Variants in RASGEF1C observed in about 807,000 individuals in gnomAD.
RASGEF1C encodes RasGEF domain family member 1C, also known as ras-GEF domain-containing family member 1C.
A neutral mutation model predicts 58.1 loss-of-function variants in RASGEF1C; 27 were observed. The ratio of observed to expected loss-of-function variants is 0.46; its 90% CI spans 0.34 to 0.64. The LOEUF (loss-of-function observed/expected upper bound fraction) is 0.64, where lower values mean the gene tolerates loss of function less well. RASGEF1C is among the 30% of genes least tolerant of loss of function. The pLI, the probability that RASGEF1C is intolerant of heterozygous loss-of-function variation, is 0.01. For synonymous variants in RASGEF1C, 243 were observed against 246.3 expected, an observed-to-expected ratio of 0.99 and a Z score of 0.13; for missense variants, 502 against 605.1, an observed-to-expected ratio of 0.83 and a Z score of 1.79.
intron 1 of RASGEF1C, among the ~76,000 whole-genome samples, chr5:180,202,910 G>A (rs1453045488): frequency 6.6e-6 from 1 of 151,988 alleles, no homozygotes; most frequent in Non-Finnish European, 1.5e-5. Context: ...CACCGTGTTA[G>A]CCAGGATGGT....
At chr5:180,178,543 G>C (rs1354183668) in intron 1 of RASGEF1C, among the ~76,000 whole-genome samples, 1 of 152,084 alleles carries the variant, frequency 6.6e-6, no homozygotes, top group Non-Finnish European at 1.5e-5. Context: ...GCCCCCCAAA[G>C]TGCTGGGATT....
intron 1 of RASGEF1C, among the ~76,000 whole-genome samples, chr5:180,174,608 ATGTGTGTGTCTGTGTGTGTG>A (rs1767189901): frequency 2.9e-5 from 2 of 69,826 alleles, no homozygotes; most frequent in Admixed American, 3.6e-4. Flanking sequence ...GTGTGCACGC[ATGTGTGTGTCTGTGTGTGTG>A]TGTGTGTGTG....
chr5:180,170,337 C>T (rs554794969), intron 1 of RASGEF1C, among the ~76,000 whole-genome samples: 37 of 152,298 alleles, frequency 2.4e-4, no homozygotes, highest in African/African-American at 8.4e-4. Context: ...CAAGGAGGGG[C>T]GCGGGCCTGT....
At chr5:180,182,062 G>C (rs1027188918) in intron 1 of RASGEF1C, among the ~76,000 whole-genome samples, 1 of 151,768 alleles carries the variant, frequency 6.6e-6, no homozygotes, top group Non-Finnish European at 1.5e-5. Flanking sequence ...AAAATTAGCC[G>C]GGCATGGTGG....
intron 7 of RASGEF1C, among the ~76,000 whole-genome samples, chr5:180,120,508 A>G (rs1198144112): frequency 6.6e-6 from 1 of 151,914 alleles, no homozygotes. Context: ...GCTCAAGGTG[A>G]GAGAGTGGGT....
At chr5:180,148,458 T>C (rs1377253300) in intron 1 of RASGEF1C, among the ~76,000 whole-genome samples, 1 of 152,124 alleles carries the variant, frequency 6.6e-6, no homozygotes, top group Non-Finnish European at 1.5e-5. Context: ...TTTTTTGTGG[T>C]GAAACATTAA....
intron 1 of RASGEF1C, among the ~76,000 whole-genome samples, chr5:180,144,070 A>G (rs1270015147): frequency 1.3e-5 from 2 of 152,154 alleles, no homozygotes; most frequent in South Asian, 2.1e-4. Flanking sequence ...AGTACCTCGC[A>G]CAGTGCCTGC....
intron 1 of RASGEF1C, among the ~76,000 whole-genome samples, chr5:180,149,909 C>T (rs573812361): frequency 1.3e-5 from 2 of 152,108 alleles, no homozygotes; most frequent in Non-Finnish European, 2.9e-5. Context: ...TGTTTATATT[C>T]ATGTTTTTCA....
intron 12 of RASGEF1C, among the ~76,000 whole-genome samples, chr5:180,106,028 G>A (rs186470622): frequency 1.3e-5 from 2 of 152,276 alleles, no homozygotes; most frequent in East Asian, 1.9e-4. Context: ...GGAACCCAGT[G>A]GGATGACGTG....
chr5:180,113,486 CGGAGGGACCGGGGATGGACGGAGGGAT>C (rs1315509347), intron 11 of RASGEF1C, among the ~76,000 whole-genome samples: 27 of 55,478 alleles, frequency 4.9e-4, no homozygotes, highest in South Asian at 1.4e-3. Context: ...CGGGGATGGA[CGGAGGGACCGGGGATGGACGGAGGGAT>C]CGGGGATGGA....
intron 1 of RASGEF1C, among the ~76,000 whole-genome samples, chr5:180,174,426 GCACA>G (rs1436124813): frequency 0.15 from 22,811 of 149,644 alleles, 1,836 homozygotes; most frequent in African/African-American, 0.22. Flanking sequence ...GCGTGCATGT[GCACA>G]CGTGTGTGTC....
At chr5:180,194,953 G>T (rs1252312176) in intron 1 of RASGEF1C, among the ~76,000 whole-genome samples, 1 of 152,234 alleles carries the variant, frequency 6.6e-6, no homozygotes. Flanking sequence ...AGGTTGACAG[G>T]AAAATCGGGA....
chr5:180,124,579 C>A (rs4700875), intron 6 of RASGEF1C, among the ~76,000 whole-genome samples: 1 of 151,872 alleles, frequency 6.6e-6, no homozygotes, highest in Non-Finnish European at 1.5e-5. Flanking sequence ...AATCCCAGCA[C>A]TTTGGGAGGC....
rs919248793 is a variant in RASGEF1C, at chr5:180,177,921, G to A, written c.-7+31107C>T. ...AACGGAGCCAAGACTCACAGAGACC[G>A]AGACCATGTCCCACATCCAGCCATG... On this transcript the variant is annotated intron_variant, in intron 1 of 13. Transcript: ENST00000361132. This position sits in a 1 kb window ranked among gnomAD's most constrained non-coding sequence, Gnocchi z 5.0. Among the ~76,000 whole-genome samples the A allele has an allele frequency of 4.6e-5, 7 of 152,110 alleles. No homozygotes were observed. Among genetic ancestry groups the A allele is most frequent in the African/African-American group, 1.2e-4 (5 of 41,538 alleles).
In RASGEF1C at chr5:180,137,199, G is replaced by A. The variant is rs1203493746; in HGVS notation, c.300+391C>T. Among the ~76,000 whole-genome samples the A allele has an allele frequency of 6.6e-6, 1 of 152,136 alleles. No individual in the cohort carries two copies. Among genetic ancestry groups the A allele is most frequent in the African/African-American group, 2.4e-5 (1 of 41,424 alleles). On this transcript the variant is annotated intron_variant, in intron 3 of 13. Coordinates refer to ENST00000361132, the MANE Select transcript of RASGEF1C (RefSeq NM_175062.4). This position sits in a 1 kb window ranked among gnomAD's most constrained non-coding sequence, Gnocchi z 4.1. ...TGAAGTTGGGTCTCTCCCACTAGCG[G>A]TAGAGCCCTACCGACGCGTGTGCAA...
At chr5:180,166,255 CTG>C (rs1224505664) in intron 1 of RASGEF1C, among the ~76,000 whole-genome samples, 1 of 152,130 alleles carries the variant, frequency 6.6e-6, no homozygotes, top group Non-Finnish European at 1.5e-5. Context: ...CCATCTGACA[CTG>C]TTATTTTCAT....
intron 1 of RASGEF1C, among the ~76,000 whole-genome samples, chr5:180,186,798 T>G (rs145630040): frequency 6.6e-6 from 1 of 152,266 alleles, no homozygotes; most frequent in Non-Finnish European, 1.5e-5. Context: ...AAACCTCATC[T>G]CTACTAAATA....
At chr5:180,104,314 C>T (rs557231769) in intron 12 of RASGEF1C, among the ~76,000 whole-genome samples, 1 of 152,138 alleles carries the variant, frequency 6.6e-6, no homozygotes, top group Non-Finnish European at 1.5e-5. Flanking sequence ...GATTAGTGCC[C>T]TTATGAAAGG....
chr5:180,110,607 C>T (rs1582260003), intron 12 of RASGEF1C, among the ~76,000 whole-genome samples: 2 of 152,070 alleles, frequency 1.3e-5, no homozygotes, highest in South Asian at 2.1e-4. Flanking sequence ...CAGAGGGCCC[C>T]GGGACCTGCC....
Sources: allele counts gnomAD v4.1 joint callset (sites outside exome capture counted in the v4.1 genomes callset), GRCh38; gene constraint gnomAD v4.1.1; non-coding constraint Gnocchi (gnomAD v3.1); transcripts MANE v1.5; gene names NCBI Gene and HGNC (gene_info 2026-07-23, HGNC 2026-07-21).